The following TSPAN9 variants were observed in gnomAD, a reference collection of about 807,000 sequenced individuals.
TSPAN9 encodes tetraspanin-9.
A neutral mutation model predicts 31.0 loss-of-function variants in TSPAN9; 16 were observed. The observed-to-expected ratio is 0.52, with a 90% CI of 0.35 to 0.78. The LOEUF (loss-of-function observed/expected upper bound fraction) is 0.78. Ranked by LOEUF, TSPAN9 falls within the 30% of genes least tolerant of loss-of-function variation. The probability of loss-of-function intolerance (pLI) is 0.01; values close to 1 mark genes in which losing one functional copy is unlikely to be tolerated. For synonymous variants in TSPAN9, 145 were observed against 121.6 expected, an observed-to-expected ratio of 1.19 and a Z score of -1.27; for missense variants, 272 against 312.5, an observed-to-expected ratio of 0.87 and a Z score of 0.98.
chr12:3,261,253 T>C (rs1862443631), intron 3 of TSPAN9, among the ~76,000 whole-genome samples: 1 of 152,238 alleles, frequency 6.6e-6, no homozygotes, highest in African/African-American at 2.4e-5. Flanking sequence ...CATTAGGCTG[T>C]GTTCTTGTTC....
intron 2 of TSPAN9, among the ~76,000 whole-genome samples, chr12:3,108,999 G>A (rs943236720): frequency 2.6e-4 from 40 of 151,576 alleles, no homozygotes; most frequent in Admixed American, 3.3e-4. Context: ...GCAGTGGCGC[G>A]ATCTCCGCTC....
chr12:3,256,500 C>A (rs775669718), intron 3 of TSPAN9, among the ~76,000 whole-genome samples: 3 of 152,208 alleles, frequency 2.0e-5, no homozygotes, highest in Non-Finnish European at 2.9e-5. Context: ...TTATAAATAG[C>A]GGATGACGGG....
chr12:3,184,604 G>A (rs557155557), intron 2 of TSPAN9, among the ~76,000 whole-genome samples: 38 of 152,264 alleles, frequency 2.5e-4, no homozygotes, highest in African/African-American at 7.7e-4. Context: ...TGATAGCACC[G>A]TCTGGATTTC....
At chr12:3,257,777 A>AGGGGGG (rs1862376857) in intron 3 of TSPAN9, among the ~76,000 whole-genome samples, 13 of 140,956 alleles carry the variant, frequency 9.2e-5, no homozygotes, top group South Asian at 2.5e-4. Context: ...CGGGAGGGGT[A>AGGGGGG]GGGGGGCGGC....
At position 3,107,199 on chromosome 12, in the gene TSPAN9, G is replaced by A. The variant is rs192641453; in HGVS notation, c.-18+23480G>A. On this transcript the variant is annotated intron_variant, in intron 2 of 8. Transcript: ENST00000011898. This position sits in a 1 kb window ranked among gnomAD's most constrained non-coding sequence, Gnocchi z 4.1. ...GGCCCCCTCCGTGGGGAGTGGGGGA[G>A]GGAGGCTCTATCTAGAAAGCTGCCT... Among the ~76,000 whole-genome samples, 923 of 152,282 alleles carry A rather than the reference G, an allele frequency of 6.1e-3. 13 individuals carry two copies. Among genetic ancestry groups the A allele is most frequent in the African/African-American group, 0.021 (865 of 41,556 alleles).
chr12:3,201,763 C>G (rs1427049419), intron 3 of TSPAN9, among the ~76,000 whole-genome samples: 1 of 152,168 alleles, frequency 6.6e-6, no homozygotes. Flanking sequence ...TGTTCCCACT[C>G]CTTTCGGTGA....
At chr12:3,255,822 A>G (rs533956367) in intron 3 of TSPAN9, among the ~76,000 whole-genome samples, 2 of 152,254 alleles carry the variant, frequency 1.3e-5, no homozygotes, top group Non-Finnish European at 2.9e-5. Flanking sequence ...AATTGTTAGC[A>G]TTCTCATCCG....
intron 3 of TSPAN9, among the ~76,000 whole-genome samples, chr12:3,220,081 G>A (rs2098383563): frequency 6.7e-6 from 1 of 150,368 alleles, no homozygotes; most frequent in South Asian, 2.1e-4. Context: ...GGAGGCGGAA[G>A]TTGCAGTGAG....
Position 3,143,550 on chromosome 12 carries a change from AC to A in TSPAN9, c.-17-57626del, listed in dbSNP as rs1281895937. Reference sequence around the variant, plus strand: ...TATTCAATTAGTTATTTTTATCATTACAGACTCATGGATATTTATTTACTTC... The same window carrying A: ...TATTCAATTAGTTATTTTTATCATTAAGACTCATGGATATTTATTTACTTC... On this transcript the variant is annotated intron_variant, in intron 2 of 8. Coordinates refer to ENST00000011898, the MANE Select transcript of TSPAN9 (RefSeq NM_006675.5). The surrounding 1 kb of genome is among the most constrained non-coding windows in gnomAD (Gnocchi z 4.2). Among the ~76,000 whole-genome samples the A allele has an allele frequency of 1.3e-5, 2 of 152,148 alleles. No homozygotes were observed. Among genetic ancestry groups the A allele is most frequent in the Admixed American group, 1.3e-4 (2 of 15,274 alleles).
chr12:3,079,506 G>C (rs934929160), intron 1 of TSPAN9, among the ~76,000 whole-genome samples: 1 of 152,054 alleles, frequency 6.6e-6, no homozygotes, highest in Non-Finnish European at 1.5e-5. Flanking sequence ...TTGTTGCCCA[G>C]GCTGGAGTGC....
At position 3,172,653 on chromosome 12, in the gene TSPAN9, C is replaced by T. The variant is rs1252546958; in HGVS notation, c.-17-28524C>T. On this transcript the variant is annotated intron_variant, in intron 2 of 8. Transcript: ENST00000011898. The surrounding 1 kb of genome is among the most constrained non-coding windows in gnomAD (Gnocchi z 4.8). ...GAGCCACTCCTGGTACAAGTGAGGA[C>T]TGAGATGGGCGATGGGGTGGGCGGT... The T allele has an allele frequency of 1.3e-5, 2 of 152,256 alleles. No homozygotes were observed. The highest frequency in any genetic ancestry group is 3.9e-4 in the East Asian group (2 of 5,184). The allele number at this position is 152,256 out of a possible 1,614,324, so 9.4% of individuals were successfully genotyped here.
In TSPAN9 at chr12:3,172,289, G is replaced by A. The variant is rs1045376050; in HGVS notation, c.-17-28888G>A. On this transcript the variant is annotated intron_variant, in intron 2 of 8. Coordinates refer to ENST00000011898, the MANE Select transcript of TSPAN9 (RefSeq NM_006675.5). The surrounding 1 kb of genome is among the most constrained non-coding windows in gnomAD (Gnocchi z 4.8). The stretch of plus-strand genomic sequence containing the variant: ...AGGGATGCAGATTGGTCCTGGTGCA[G>A]GCGGCCCTCTCTGTCTTGCGGCCCT... 1 of 152,370 alleles carries A rather than the reference G, an allele frequency of 6.6e-6. No homozygotes were observed. 9.4% of individuals were successfully genotyped at this position (152,370 alleles called of 1,614,324 possible). A position where few individuals can be genotyped will look rare whatever the true frequency, so the allele number is the denominator to read the frequency against.
chr12:3,131,714 C>G (rs1365616876), intron 2 of TSPAN9, among the ~76,000 whole-genome samples: 8 of 152,142 alleles, frequency 5.3e-5, no homozygotes, highest in Non-Finnish European at 1.2e-4. Flanking sequence ...GTGTTTGTTA[C>G]CAGGTATTGT....
intron 2 of TSPAN9, among the ~76,000 whole-genome samples, chr12:3,119,897 G>A (rs1479069749): frequency 2.0e-5 from 3 of 152,100 alleles, no homozygotes; most frequent in Non-Finnish European, 4.4e-5. Flanking sequence ...GGGCCTGGCC[G>A]CCAGCGCCCC....
chr12:3,171,504 A>T (rs554650711), intron 2 of TSPAN9, among the ~76,000 whole-genome samples: 2 of 152,180 alleles, frequency 1.3e-5, no homozygotes, highest in South Asian at 4.2e-4. Flanking sequence ...CATCAGACCC[A>T]CCTATCCTTC....
intron 3 of TSPAN9, among the ~76,000 whole-genome samples, chr12:3,270,860 A>G (rs1294169270): frequency 6.6e-6 from 1 of 152,238 alleles, no homozygotes; most frequent in Non-Finnish European, 1.5e-5. Context: ...CTCAACTGCT[A>G]GGGGTTTTGG....
At position 3,278,340 on chromosome 12, in the gene TSPAN9, G is replaced by A. The variant is rs1388112026; in HGVS notation, c.64-81G>A. On this transcript the variant is annotated intron_variant, in intron 3 of 8. Transcript: ENST00000011898. The stretch of plus-strand genomic sequence containing the variant: ...CACTTTGTCTGTGTCTCAGAGCATG[G>A]GGTGGGGACCTGCACTGTTCCCAGG... The A allele has an allele frequency of 2.6e-6, 4 of 1,545,040 alleles. No individual in the cohort carries two copies. In the Admixed American group the frequency reaches 7.4e-5, roughly 28 times the overall value.
chr12:3,148,366 G>A (rs1180196662), intron 2 of TSPAN9, among the ~76,000 whole-genome samples: 1 of 152,236 alleles, frequency 6.6e-6, no homozygotes, highest in East Asian at 1.9e-4. Context: ...TCAGTCCAGA[G>A]TCACAAGCTG....
chr12:3,220,145 C>CAAAAAAAAAAAAAAAAAAAAAAAA (rs55735802), intron 3 of TSPAN9, among the ~76,000 whole-genome samples: 193 of 137,314 alleles, frequency 1.4e-3, no homozygotes, highest in Middle Eastern at 3.8e-3. Flanking sequence ...AACTCTGTCT[C>CAAAAAAAAAAAAAAAAAAAAAAAA]AAAAAAAAAA....
Sources: gnomAD v4.1 joint callset for allele counts (sites outside exome capture counted in the v4.1 genomes callset) on GRCh38, gnomAD v4.1.1 for gene constraint, Gnocchi (gnomAD v3.1) non-coding constraint, MANE v1.5 for transcripts, NCBI Gene and HGNC (gene_info 2026-07-23, HGNC 2026-07-21) for gene names.